CTNND2: variants seen among roughly 807,000 people sequenced by gnomAD.
CTNND2 encodes the protein catenin delta-2.
CTNND2 carries 22 observed loss-of-function variants against 144.4 expected under a neutral mutation model. That is an observed-to-expected ratio of 0.15 (90% CI 0.11 to 0.22). The LOEUF is 0.22. Among genes scored for constraint, CTNND2 ranks in the 10% least tolerant of loss-of-function variants. The pLI is 1.00. For missense variants in CTNND2, 1,353 were observed against 1,618.8 expected (o/e 0.84, Z 2.82); for synonymous variants, 751 against 695.6 (o/e 1.08, Z -1.25).
chr5:11,541,949 G>A (rs1774796637), intron 3 of CTNND2, among the ~76,000 whole-genome samples: 3 of 150,768 alleles, frequency 2.0e-5, no homozygotes, highest in South Asian at 2.1e-4. Context: ...GGCCTTTGGA[G>A]GTTCACAGAC....
At chr5:11,115,926 A>G (rs1753497708) in intron 13 of CTNND2, among the ~76,000 whole-genome samples, 1 of 152,226 alleles carries the variant, frequency 6.6e-6, no homozygotes, top group Non-Finnish European at 1.5e-5. Context: ...CAGCCAATTA[A>G]TGACTACATG....
intron 2 of CTNND2, among the ~76,000 whole-genome samples, chr5:11,606,883 T>A (rs568263543): frequency 2.6e-5 from 4 of 152,308 alleles, no homozygotes; most frequent in Non-Finnish European, 5.9e-5. Flanking sequence ...CCAGAACATA[T>A]GTTAGCATCC....
chr5:11,095,205 C>T (rs184945254), intron 15 of CTNND2, among the ~76,000 whole-genome samples: 3 of 152,322 alleles, frequency 2.0e-5, no homozygotes, highest in Admixed American at 6.5e-5. Context: ...CCCTGAGATA[C>T]GGAACCTGCA....
In CTNND2 at chr5:11,217,657, T is replaced by C. The variant is rs546584898; in HGVS notation, c.1762-17996A>G. On this transcript the variant is annotated intron_variant, in intron 10 of 21. Transcript: ENST00000304623. ...ACCCTTTTTATGTCTGTATTTGAAA[T>C]TTTCCAGGGTCTAACAGGAATTTCA... Among the ~76,000 whole-genome samples, 127 of 152,248 alleles carry C rather than the reference T, an allele frequency of 8.3e-4. 1 individual carries two copies. Among genetic ancestry groups the C allele is most frequent in the Non-Finnish European group, 1.4e-3 (97 of 68,010 alleles).
chr5:11,639,505 C>T (rs1251123069), intron 2 of CTNND2, among the ~76,000 whole-genome samples: 1 of 152,064 alleles, frequency 6.6e-6, no homozygotes, highest in Non-Finnish European at 1.5e-5. Flanking sequence ...ACAAGAATAC[C>T]CTTAACTTAA....
At chr5:11,421,777 T>C (rs951704756) in intron 3 of CTNND2, among the ~76,000 whole-genome samples, 22 of 152,106 alleles carry the variant, frequency 1.4e-4, no homozygotes, top group Non-Finnish European at 5.9e-5. Context: ...GCACCAGCTG[T>C]CTATGAGTTT....
In CTNND2 at chr5:11,384,793, C is replaced by G. The variant is rs764658059; in HGVS notation, c.1049G>C (p.Ser350Thr). The change falls in exon 7 of 22, where the codon AGC becomes ACC. Residue 350 changes from serine to threonine, a missense_variant. Coordinates refer to ENST00000304623, the MANE Select transcript of CTNND2 (RefSeq NM_001332.4). This position sits in a 1 kb window ranked among gnomAD's most constrained non-coding sequence, Gnocchi z 5.2. ...GGTGGCGTACGTGCCGATGGTGGAGCTCAGCTGGTGGATGGGCGAGGAGGA... is the reference window on the plus strand; with the variant it reads ...GGTGGCGTACGTGCCGATGGTGGAGGTCAGCTGGTGGATGGGCGAGGAGGA... ...TISSSPIHQLSSTIGTYATLS... is the reference protein window; with the variant it reads ...TISSSPIHQLTSTIGTYATLS... 1.2e-6 allele frequency: 2 copies of G among 1,613,260 alleles called. No individual in the cohort carries two copies. The highest frequency in any genetic ancestry group is 1.7e-6 in the Non-Finnish European group (2 of 1,179,732).
chr5:11,817,380 A>G (rs1328122915), intron 1 of CTNND2, among the ~76,000 whole-genome samples: 24 of 22,608 alleles, frequency 1.1e-3, no homozygotes, highest in African/African-American at 1.7e-3. Flanking sequence ...AGAGGGGGGG[A>G]GAGAGGGGGG....
chr5:11,111,595 C>G (rs1752988786), intron 13 of CTNND2, among the ~76,000 whole-genome samples: 1 of 152,188 alleles, frequency 6.6e-6, no homozygotes, highest in East Asian at 1.9e-4. Flanking sequence ...TTTTGAGATG[C>G]CTGACACTCA....
At chr5:11,789,728 A>G (rs1791032315) in intron 1 of CTNND2, among the ~76,000 whole-genome samples, 1 of 152,200 alleles carries the variant, frequency 6.6e-6, no homozygotes. Context: ...CCATATTTAG[A>G]ATTGCCTAGT....
At chr5:10,977,616 C>A (rs1736660731) in intron 21 of CTNND2, among the ~76,000 whole-genome samples, 2 of 152,188 alleles carry the variant, frequency 1.3e-5, no homozygotes, top group South Asian at 2.1e-4. Context: ...CCATGCCCAG[C>A]TAATTTTTGT....
chr5:11,248,906 T>A (rs1345329138), intron 9 of CTNND2, among the ~76,000 whole-genome samples: 2 of 152,232 alleles, frequency 1.3e-5, no homozygotes, highest in African/African-American at 2.4e-5. Context: ...CACCTTATCT[T>A]AGTTCTTCGA....
chr5:11,734,513 C>T (rs1453484567), intron 1 of CTNND2, among the ~76,000 whole-genome samples: 1 of 152,118 alleles, frequency 6.6e-6, no homozygotes, highest in Non-Finnish European at 1.5e-5. Flanking sequence ...CAGTGATCAA[C>T]AGAGAAAGCA....
chr5:11,897,697 T>C (rs959638685), intron 1 of CTNND2, among the ~76,000 whole-genome samples: 2 of 152,308 alleles, frequency 1.3e-5, no homozygotes, highest in Non-Finnish European at 2.9e-5. Flanking sequence ...CCATAGTTGC[T>C]ACAAATCAAC....
At chr5:11,078,111 T>G (rs2149625936) in intron 16 of CTNND2, among the ~76,000 whole-genome samples, 1 of 152,290 alleles carries the variant, frequency 6.6e-6, no homozygotes. Context: ...ACAGATGATC[T>G]TCAATGCCAT....
At chr5:11,130,300 A>G (rs1379041444) in intron 12 of CTNND2, among the ~76,000 whole-genome samples, 1 of 152,048 alleles carries the variant, frequency 6.6e-6, no homozygotes, top group Non-Finnish European at 1.5e-5. Flanking sequence ...TCAGAAAGGG[A>G]CGGAGGGCCC....
chr5:11,505,690 C>T (rs1487670328), intron 3 of CTNND2, among the ~76,000 whole-genome samples: 1 of 152,100 alleles, frequency 6.6e-6, no homozygotes, highest in African/African-American at 2.4e-5. Flanking sequence ...TCATTCGCAC[C>T]CCAAGTTCTA....
At chr5:11,870,537 G>A (rs909147702) in intron 1 of CTNND2, among the ~76,000 whole-genome samples, 8 of 152,188 alleles carry the variant, frequency 5.3e-5, no homozygotes, top group Non-Finnish European at 2.9e-5. Context: ...AAGTAAGCTC[G>A]AGGATAAACA....
chr5:11,897,860 A>G (rs778787426), intron 1 of CTNND2, among the ~76,000 whole-genome samples: 1 of 152,248 alleles, frequency 6.6e-6, no homozygotes, highest in Non-Finnish European at 1.5e-5. Context: ...CCAATGGGGA[A>G]CACTTCTTCT....
Sources: allele counts gnomAD v4.1 joint callset (sites outside exome capture counted in the v4.1 genomes callset), GRCh38; gene constraint gnomAD v4.1.1; non-coding constraint Gnocchi (gnomAD v3.1); transcripts MANE v1.5; gene names NCBI Gene and HGNC (gene_info 2026-07-23, HGNC 2026-07-21).